ZZEF1: variants seen among roughly 807,000 people sequenced by gnomAD.
ZZEF1 encodes the protein zinc finger ZZ-type and EF-hand domain containing 1.
A neutral mutation model predicts 342.8 loss-of-function variants in ZZEF1; 157 were observed. The ratio of observed to expected loss-of-function variants is 0.46; its 90% CI spans 0.40 to 0.52. The LOEUF (loss-of-function observed/expected upper bound fraction) is 0.52. ZZEF1 is among the 20% of genes least tolerant of loss of function. ZZEF1 has a pLI of 0.00. For synonymous variants in ZZEF1, 1,505 were observed against 1,429.1 expected (o/e 1.05, Z -1.20); for missense variants, 3,480 against 3,725.6 (o/e 0.93, Z 1.72).
rs1044459609 is a variant in ZZEF1 at position 4,074,484 on chromosome 17, G to A, written c.3484-133C>T. The A allele has an allele frequency of 1.8e-5, 17 of 923,790 alleles. 1 individual carries two copies. The highest frequency in any genetic ancestry group is 1.6e-4 in the African/African-American group (10 of 61,336). 57.2% of individuals were successfully genotyped at this position (923,790 alleles called of 1,614,324 possible). On this transcript the variant is annotated intron_variant, in intron 23 of 54. Transcript: ENST00000381638. The stretch of plus-strand genomic sequence containing the variant: ...TTTCCACATGTCCAAAATGACTAAC[G>A]GAGAAATGTACAAAGGGGTGACGGA...
chr17:4,011,371 T>C (rs1326901807), intron 52 of ZZEF1, among the ~76,000 whole-genome samples: 1 of 151,586 alleles, frequency 6.6e-6, no homozygotes, highest in East Asian at 1.9e-4. Context: ...GCCACTGCAC[T>C]CCAGCCTGGG....
intron 15 of ZZEF1, among the ~76,000 whole-genome samples, 180 bp downstream of exon 15, chr17:4,086,304 ATT>A (rs1400557713): frequency 8.2e-5 from 1 of 12,198 alleles, no homozygotes; most frequent in East Asian, 2.3e-3. Flanking sequence ...TTTCTGGGGG[ATT>A]CCCACAGCGG....
At chr17:4,024,186 GTTTTTTTTT>G (rs754985234) in intron 43 of ZZEF1, among the ~76,000 whole-genome samples, 51 of 94,428 alleles carry the variant, frequency 5.4e-4, no homozygotes, top group African/African-American at 1.9e-3. Flanking sequence ...TATTGCCCAG[GTTTTTTTTT>G]TTTTTTTTTT....
At chr17:4,045,280 A>C (rs1024647957) in intron 37 of ZZEF1, among the ~76,000 whole-genome samples, 2 of 152,226 alleles carry the variant, frequency 1.3e-5, no homozygotes, top group Non-Finnish European at 2.9e-5. Flanking sequence ...TTCAGCTTTC[A>C]GAAACCAAGC....
chr17:4,095,736 G>C (rs1597884406), intron 11 of ZZEF1, 95 bp downstream of exon 11: 1 of 1,361,082 alleles, frequency 7.3e-7, no homozygotes, highest in Non-Finnish European at 9.9e-7. Flanking sequence ...AGACAAGCAA[G>C]CACAGTTCAC....
intron 1 of ZZEF1, among the ~76,000 whole-genome samples, chr17:4,134,384 T>C (rs12453690): frequency 0.51 from 74,853 of 146,896 alleles, 21,446 homozygotes; most frequent in East Asian, 0.74. Flanking sequence ...TATATAATTA[T>C]TATATAAATA....
chr17:4,009,385 C>T, intron 53 of ZZEF1: 1 of 641,004 alleles, frequency 1.6e-6, no homozygotes, highest in Non-Finnish European at 2.7e-6. Context: ...CCCCCATTGG[C>T]TCTAGGCCTG....
chr17:4,090,662 ACT>A lies in ZZEF1; in HGVS notation c.2025+55_2025+56del. 3 of 1,389,202 alleles carry A rather than the reference ACT, an allele frequency of 2.2e-6. No individual in the cohort carries two copies. The South Asian group carries it at 3.5e-5, about 16-fold the overall frequency. The allele number at this position is 1,389,202 out of a possible 1,614,324, so 86.1% of individuals were successfully genotyped here. A position where few individuals can be genotyped will look rare whatever the true frequency, so the allele number is the denominator to read the frequency against. On this transcript the variant is annotated intron_variant, in intron 12 of 54. Coordinates refer to ENST00000381638, the MANE Select transcript of ZZEF1 (RefSeq NM_015113.4). The stretch of plus-strand genomic sequence containing the variant: ...GGCACAGGGCTGATACACAATCACT[ACT>A]CAAAAAACACAGAATAAAAGGAGGG...
At position 4,049,755 on chromosome 17, in the gene ZZEF1, G is replaced by A. The variant is rs1288596753; in HGVS notation, c.5968C>T (p.Leu1990=). 2 of 1,614,028 alleles carry A rather than the reference G, an allele frequency of 1.2e-6. No individual in the cohort carries two copies. Among genetic ancestry groups the A allele is most frequent in the Non-Finnish European group, 8.5e-7 (1 of 1,180,044 alleles). Residue 1990 remains leucine, a synonymous_variant, in exon 37 of 55, where the codon CTA becomes TTA. Coordinates refer to ENST00000381638, the MANE Select transcript of ZZEF1 (RefSeq NM_015113.4). ...GCACCCTGGACAGCTTTCTTCTCTA[G>A]CTGCTCCTCTGACGCTCCGGTGGGC... ...TVPTGASEEQ[L]EKKAVQGAEL...
rs139526521 is a variant in ZZEF1 at position 4,019,107 on chromosome 17, T to C, written c.7505+562A>G. 2.4e-3 allele frequency among the ~76,000 whole-genome samples: 369 copies of C among 152,036 alleles called. 1 individual carries two copies. The highest frequency in any genetic ancestry group is 8.3e-3 in the African/African-American group (345 of 41,328). The stretch of plus-strand genomic sequence containing the variant: ...CCCTGCTTCACCTCATAAAGGCTTT[T>C]AGGCAATATATAAGAAACTAATAAA... On this transcript the variant is annotated intron_variant, in intron 46 of 54. Coordinates refer to ENST00000381638, the MANE Select transcript of ZZEF1 (RefSeq NM_015113.4).
intron 1 of ZZEF1, among the ~76,000 whole-genome samples, chr17:4,130,093 C>T (rs1162583887): frequency 1.3e-5 from 2 of 152,180 alleles, no homozygotes; most frequent in East Asian, 1.9e-4. Context: ...TACAACCAAC[C>T]CCCATGAGAT....
intron 41 of ZZEF1, among the ~76,000 whole-genome samples, chr17:4,032,584 C>A (rs28384085): frequency 0.19 from 28,643 of 152,104 alleles, 2,739 homozygotes; most frequent in Middle Eastern, 0.23. Flanking sequence ...ATTACAGTCA[C>A]CTATTATTCA....
chr17:4,075,261 A>C lies in ZZEF1; in HGVS notation c.3401+2T>G. 1 of 1,614,028 alleles carries C rather than the reference A, an allele frequency of 6.2e-7. No homozygotes were observed. The highest frequency in any genetic ancestry group is 8.5e-7 in the Non-Finnish European group (1 of 1,179,926). On this transcript the variant is annotated splice_donor_variant, in intron 22 of 54. Transcript: ENST00000381638. LOFTEE classifies it high-confidence loss of function. ...GGGGGTGAAAGAATATAGAAGTCTT[A>C]CCTTTTTTCAGTTTCACACCTGTCA...
chr17:4,080,147 C>A (rs528883472), intron 18 of ZZEF1, among the ~76,000 whole-genome samples: 6 of 152,254 alleles, frequency 3.9e-5, no homozygotes, highest in African/African-American at 1.4e-4. Context: ...ATCTAGAAAT[C>A]TTTTTTCTGT....
At chr17:4,025,648 T>C (rs887158797) in intron 42 of ZZEF1, among the ~76,000 whole-genome samples, 6 of 150,212 alleles carry the variant, frequency 4.0e-5, no homozygotes, top group Non-Finnish European at 8.8e-5. Context: ...TGCCATTGCA[T>C]TCCAGCCTGG....
chr17:4,062,758 A>G lies in ZZEF1; in HGVS notation c.4878T>C (p.Phe1626=). Residue 1626 remains phenylalanine, a synonymous_variant, in exon 30 of 55, where the codon TTT becomes TTC. Coordinates refer to ENST00000381638, the MANE Select transcript of ZZEF1 (RefSeq NM_015113.4). ...LLELLTCQKD[F]TNYFGHLEGC... is the part of the protein sequence containing the mutation. ...GACCTGTCCTTTGTACTTACTTGGTAAAATCTTTCTGACAGGTCAGAAGTT... is the reference window on the plus strand; with the variant it reads ...GACCTGTCCTTTGTACTTACTTGGTGAAATCTTTCTGACAGGTCAGAAGTT... 6.2e-7 allele frequency: 1 copy of G among 1,603,132 alleles called. No homozygotes were observed. Among genetic ancestry groups the G allele is most frequent in the Non-Finnish European group, 8.5e-7 (1 of 1,174,216 alleles).
At chr17:4,069,539 T>C (rs1043243132) in intron 26 of ZZEF1, among the ~76,000 whole-genome samples, 1 of 152,064 alleles carries the variant, frequency 6.6e-6, no homozygotes, top group Non-Finnish European at 1.5e-5. Context: ...ATATCAATAA[T>C]AACAAAACGA....
intron 2 of ZZEF1, among the ~76,000 whole-genome samples, chr17:4,117,593 A>C (rs1303637421): frequency 6.9e-6 from 1 of 145,186 alleles, no homozygotes; most frequent in African/African-American, 2.5e-5. Flanking sequence ...GGTTGCAGTG[A>C]GCCCAGATCA....
intron 3 of ZZEF1, among the ~76,000 whole-genome samples, chr17:4,116,083 G>A (rs2145508180): frequency 6.6e-6 from 1 of 152,348 alleles, no homozygotes; most frequent in East Asian, 1.9e-4. Flanking sequence ...AATTTGGGAA[G>A]CCAAGGTGGG....
Sources: gnomAD v4.1 joint callset for allele counts (sites outside exome capture counted in the v4.1 genomes callset) on GRCh38, gnomAD v4.1.1 for gene constraint, MANE v1.5 for transcripts, NCBI Gene and HGNC (gene_info 2026-07-23, HGNC 2026-07-21) for gene names.